The following STAG1 variants were observed in gnomAD, a reference collection of about 807,000 sequenced individuals.
STAG1 encodes the protein cohesin subunit SA-1.
A neutral mutation model predicts 170.9 loss-of-function variants in STAG1; 26 were observed. The ratio of observed to expected loss-of-function variants is 0.15; its 90% CI spans 0.11 to 0.21. STAG1 has a LOEUF of 0.21. STAG1 is among the 10% of genes least tolerant of loss of function. The pLI is 1.00. For synonymous variants in STAG1, 514 were observed against 497.7 expected, an observed-to-expected ratio of 1.03 and a Z score of -0.44; for missense variants, 964 against 1,509.5, an observed-to-expected ratio of 0.64 and a Z score of 5.99.
intron 1 of STAG1, among the ~76,000 whole-genome samples, chr3:136,751,757 G>A (rs1395176125): frequency 6.6e-6 from 1 of 151,640 alleles, no homozygotes; most frequent in Non-Finnish European, 1.5e-5. Flanking sequence ...ATTCGCGCCA[G>A]CCCGCGTCGG....
At chr3:136,366,847 G>A in intron 25 of STAG1, 96 bp downstream of exon 25, 2 of 1,028,546 alleles carry the variant, frequency 1.9e-6, no homozygotes, top group East Asian at 4.9e-5. Flanking sequence ...TTACATAGGT[G>A]AAAAGCTGTC....
Position 136,377,671 on chromosome 3 carries a change from C to T in STAG1, c.2359G>A (p.Val787Met). The change falls in exon 23 of 34, where the codon GTG becomes ATG. Residue 787 changes from valine to methionine, a missense_variant. By Grantham distance (21) the Val-to-Met change is conservative. Around this residue, in one of 11 missense-constraint regions of STAG1, gnomAD observed 232 missense variants for 313.0 expected, o/e 0.74. Transcript: ENST00000383202. ...QQCLSNVNTP[V>M]KEQAFMLLCD... Reference sequence around the variant, plus strand: ...TGATAATTTCTTACCTGTTCTTTCACTGGAGTATTAACATTAGACAGGCAC... The same window carrying T: ...TGATAATTTCTTACCTGTTCTTTCATTGGAGTATTAACATTAGACAGGCAC... The T allele has an allele frequency of 1.2e-6, 2 of 1,613,352 alleles. No homozygotes were observed. Among genetic ancestry groups the T allele is most frequent in the Non-Finnish European group, 1.7e-6 (2 of 1,179,538 alleles).
At chr3:136,552,764 TA>T (rs1307178337) in intron 5 of STAG1, among the ~76,000 whole-genome samples, 8 of 152,216 alleles carry the variant, frequency 5.3e-5, no homozygotes, top group Non-Finnish European at 8.8e-5. Context: ...TAAGAAGTTA[TA>T]ATCAAAAACT....
chr3:136,641,823 G>A (rs941666821), intron 1 of STAG1, among the ~76,000 whole-genome samples: 2 of 152,184 alleles, frequency 1.3e-5, no homozygotes, highest in African/African-American at 4.8e-5. Flanking sequence ...GGTTATGTAA[G>A]ATATTGGCAG....
At chr3:136,605,695 ATCTCCAATGAGATAAGTG>A (rs1158241008) in intron 3 of STAG1, among the ~76,000 whole-genome samples, 1 of 152,164 alleles carries the variant, frequency 6.6e-6, no homozygotes, top group Non-Finnish European at 1.5e-5. Context: ...ATGGTCTCTC[ATCTCCAATGAGATAAGTG>A]TCTCCAATGA....
chr3:136,422,958 C>T lies in STAG1; in HGVS notation c.1737G>A (p.Leu579=). Residue 579 remains leucine (L), a synonymous_variant, in exon 17 of 34, where the codon CTG becomes CTA. Transcript: ENST00000383202. ...ACTGTAAATGAAACTGTACCTTTGA[C>T]AGTAACATAGGAAGTGTAATAATAA... ...EHFIITLPML[L]SKYSADAEKV... The T allele has an allele frequency of 6.2e-7, 1 of 1,600,506 alleles. No homozygotes were observed. The highest frequency in any genetic ancestry group is 8.5e-7 in the Non-Finnish European group (1 of 1,172,808).
chr3:136,591,499 A>G (rs769079152), intron 4 of STAG1: 2 of 407,242 alleles, frequency 4.9e-6, no homozygotes, highest in South Asian at 1.8e-5. Context: ...TTGGGCCCAG[A>G]AGTTCGAGGT....
In STAG1 at chr3:136,504,510, T is replaced by C. The variant is rs529402941; in HGVS notation, c.677-1731A>G. ...CCAGTAGTAGTATATTGGACTACACTATGAAAGTTTAAAATAATTTGTAAA... is the reference window on the plus strand; with the variant it reads ...CCAGTAGTAGTATATTGGACTACACCATGAAAGTTTAAAATAATTTGTAAA... On this transcript the variant is annotated intron_variant, in intron 7 of 33. Transcript: ENST00000383202. Among the ~76,000 whole-genome samples the C allele has an allele frequency of 7.9e-4, 121 of 152,354 alleles. 1 individual carries two copies. Among genetic ancestry groups the C allele is most frequent in the African/African-American group, 2.9e-3 (119 of 41,582 alleles).
At chr3:136,362,945 C>CAT (rs931037865) in intron 26 of STAG1, among the ~76,000 whole-genome samples, 5 of 152,030 alleles carry the variant, frequency 3.3e-5, no homozygotes, top group African/African-American at 1.2e-4. Flanking sequence ...GCACATATCA[C>CAT]ATATATATAT....
At chr3:136,498,259 C>CACACATACATATACAT in intron 9 of STAG1, among the ~76,000 whole-genome samples, 1 of 88,790 alleles carries the variant, frequency 1.1e-5, no homozygotes, top group African/African-American at 4.9e-5. Flanking sequence ...TACACACACA[C>CACACATACATATACAT]ACACACACAC....
intron 1 of STAG1, among the ~76,000 whole-genome samples, chr3:136,724,030 C>T (rs1363351306): frequency 8.6e-5 from 13 of 151,156 alleles, no homozygotes; most frequent in Non-Finnish European, 1.8e-4. Flanking sequence ...AGGTGAGGGG[C>T]GCCTCTGCCC....
chr3:136,715,455 C>T (rs1378039937), intron 1 of STAG1, among the ~76,000 whole-genome samples: 4 of 151,552 alleles, frequency 2.6e-5, no homozygotes. Flanking sequence ...CACGTCTCTA[C>T]TAAAAATACA....
chr3:136,641,092 T>A (rs1432163260), intron 1 of STAG1, among the ~76,000 whole-genome samples: 2 of 152,188 alleles, frequency 1.3e-5, no homozygotes, highest in Non-Finnish European at 2.9e-5. Flanking sequence ...GATCCTAACA[T>A]AATGAATAGA....
At chr3:136,729,601 G>A (rs1203254906) in intron 1 of STAG1, among the ~76,000 whole-genome samples, 1 of 125,512 alleles carries the variant, frequency 8.0e-6, no homozygotes, top group African/African-American at 3.1e-5. Context: ...TTGAGACAGA[G>A]CTGTGCTGTC....
At chr3:136,476,397 G>C (rs764179863) in intron 10 of STAG1, among the ~76,000 whole-genome samples, 3 of 152,204 alleles carry the variant, frequency 2.0e-5, no homozygotes, top group Non-Finnish European at 2.9e-5. Context: ...CACAATAATT[G>C]CAATAGGCAG....
At chr3:136,714,938 A>AATATATATATATATAT (rs71714671) in intron 1 of STAG1, among the ~76,000 whole-genome samples, 7 of 95,720 alleles carry the variant, frequency 7.3e-5, no homozygotes, top group African/African-American at 2.8e-4. Context: ...ATATATATTA[A>AATATATATATATATAT]ATATATATAT....
intron 1 of STAG1, among the ~76,000 whole-genome samples, chr3:136,646,605 C>T (rs542324963): frequency 6.6e-6 from 1 of 152,210 alleles, no homozygotes; most frequent in South Asian, 2.1e-4. Context: ...TTCCATAGCA[C>T]TATAAGATGA....
Position 136,710,830 on chromosome 3 carries a change from T to C in STAG1, c.-84+41365A>G, listed in dbSNP as rs150982686. Among the ~76,000 whole-genome samples, 1,247 of 152,212 alleles carry C rather than the reference T, an allele frequency of 8.2e-3. 11 individuals are homozygous for C. Among genetic ancestry groups the C allele is most frequent in the Middle Eastern group, 0.014 (4 of 294 alleles). ...AAATGGTCATGTTATTGTGTTTGTA[T>C]TTCAATATATGATACTTTACCCAGT... On this transcript the variant is annotated intron_variant, in intron 1 of 33. Transcript: ENST00000383202.
Position 136,518,049 on chromosome 3 carries a change from TA to T in STAG1, c.676+3163del, listed in dbSNP as rs201749355. 7.1e-3 allele frequency: 1,509 copies of T among 211,752 alleles called. 22 individuals are homozygous for T. Among genetic ancestry groups the T allele is most frequent in the African/African-American group, 0.026 (1,156 of 43,968 alleles). The allele number at this position is 211,752 out of a possible 1,614,324, so 13.1% of individuals were successfully genotyped here. A position where few individuals can be genotyped will look rare whatever the true frequency, so the allele number is the denominator to read the frequency against. On this transcript the variant is annotated intron_variant, in intron 7 of 33. Transcript: ENST00000383202. The stretch of plus-strand genomic sequence containing the variant: ...ACAGACATAAAGAACTATATAATGA[TA>T]AAAAAAACTTTTAATAAAAATGTAA...
Sources: gnomAD v4.1 joint callset for allele counts (sites outside exome capture counted in the v4.1 genomes callset) on GRCh38, gnomAD v4.1.1 for gene constraint, gnomAD v4.1.1 regional missense constraint, MANE v1.5 for transcripts, NCBI Gene and HGNC (gene_info 2026-07-23, HGNC 2026-07-21) for gene names.